Variants in USP44 observed in about 807,000 individuals in gnomAD.
USP44 encodes the protein ubiquitin specific peptidase 44.
A neutral mutation model predicts 69.0 loss-of-function variants in USP44; 61 were observed. That is an observed-to-expected ratio of 0.88 (90% CI 0.72 to 1.09). USP44 has a LOEUF of 1.09. USP44 is among the 50% of genes least tolerant of loss of function. The pLI is 0.00. For synonymous variants in USP44, 297 were observed against 295.4 expected (o/e 1.01, Z -0.06); for missense variants, 753 against 849.9 (o/e 0.89, Z 1.42).
chr12:95,533,556 G>A lies in USP44; in HGVS notation c.701C>T (p.Ala234Val), dbSNP rs772258953. ...TTTTGCTGGTGATGCTGGCGTTTGTGCTGGCACCTGAACAGAAACTATTTC... is the reference window on the plus strand; with the variant it reads ...TTTTGCTGGTGATGCTGGCGTTTGTACTGGCACCTGAACAGAAACTATTTC... The part of the protein sequence containing the change: ...IIEIVSVQVP[A>V]QTPASPAKDK... The change falls in exon 2 of 6, where the codon GCA becomes GTA. Residue 234 changes from alanine (A) to valine (V), a missense_variant. By Grantham distance (64) the Ala-to-Val change is moderately conservative (BLOSUM62 0). Transcript: ENST00000258499. 1 of 1,613,564 alleles carries A rather than the reference G, an allele frequency of 6.2e-7. No individual in the cohort carries two copies. Among genetic ancestry groups the A allele is most frequent in the Non-Finnish European group, 8.5e-7 (1 of 1,179,838 alleles).
chr12:95,528,964 T>C lies in USP44; in HGVS notation c.1467A>G (p.Ile489Met), dbSNP rs2076937303. 6.2e-7 allele frequency: 1 copy of C among 1,613,634 alleles called. No individual in the cohort carries two copies. Among genetic ancestry groups the C allele is most frequent in the South Asian group, 1.1e-5 (1 of 90,980 alleles). ...CCAATGACAAGTCCCAGAAAGGTTC[T>C]ATGGTATTTGATTTGTTGTCACATG... ...CLACDNKSNT[I>M]EPFWDLSLEF... The change falls in exon 3 of 6, where the codon ATA (isoleucine) becomes ATG (methionine). Residue 489 changes from isoleucine (I) to methionine (M), a missense_variant. Transcript: ENST00000258499.
rs2140177781 is a variant in USP44, at chr12:95,516,651, C to T, written c.*1503G>A. ...CATAGGTATTATGAACAATTTTAAA[C>T]ATAGCCATTTAATATTCCAGATGTA... On this transcript the variant is annotated 3_prime_UTR_variant, in exon 6 of 6. Transcript: ENST00000258499. The T allele has an allele frequency of 6.6e-6, 1 of 152,266 alleles. No homozygotes were observed. The highest frequency in any genetic ancestry group is 2.1e-4 in the South Asian group (1 of 4,824). 9.4% of individuals were successfully genotyped at this position (152,266 alleles called of 1,614,324 possible).
chr12:95,518,033 T>C lies in USP44; in HGVS notation c.*121A>G. 9.5e-7 allele frequency: 1 copy of C among 1,048,984 alleles called. No individual in the cohort carries two copies. The highest frequency in any genetic ancestry group is 1.9e-5 in the South Asian group (1 of 52,758). The allele number at this position is 1,048,984 out of a possible 1,614,324, so 65.0% of individuals were successfully genotyped here. The stretch of plus-strand genomic sequence containing the variant: ...CTTTGTAAAAAAAAAAATTGTTAGA[T>C]ATAAAATGTATAAATGTAGTATACA... On this transcript the variant is annotated 3_prime_UTR_variant, in exon 6 of 6. Transcript: ENST00000258499.
chr12:95,520,122 T>C (rs1440331589), intron 5 of USP44, among the ~76,000 whole-genome samples: 1 of 144,624 alleles, frequency 6.9e-6, no homozygotes, highest in Admixed American at 7.0e-5. Flanking sequence ...TGTCCTCACC[T>C]CTCTTTTTCT....
chr12:95,523,881 CT>C lies in USP44; in HGVS notation c.1733+798del, dbSNP rs950874729. 2.4e-3 allele frequency among the ~76,000 whole-genome samples: 351 copies of C among 148,274 alleles called. 1 individual carries two copies. Among genetic ancestry groups the C allele is most frequent in the African/African-American group, 7.6e-3 (307 of 40,420 alleles). On this transcript the variant is annotated intron_variant, in intron 4 of 5. Coordinates refer to ENST00000258499, the MANE Select transcript of USP44 (RefSeq NM_032147.5). ...TCACACCTGTCATCTCAACATTTTT[CT>C]TTTTTTTTTCTTGAGACAGAGTCTC...
rs374528624 is a variant in USP44 at position 95,528,754 on chromosome 12, G to A, written c.1624+53C>T. On this transcript the variant is annotated intron_variant, in intron 3 of 5. Coordinates refer to ENST00000258499, the MANE Select transcript of USP44 (RefSeq NM_032147.5). ...TTTCTTTCAGCTTCCTCTCATCTGC[G>A]TTTCTCTTTATCATTCCTAGGAAAG... is the stretch of plus-strand genomic sequence containing the variant. 8.5e-3 allele frequency: 12,909 copies of A among 1,513,266 alleles called. 74 individuals are homozygous for A. Among genetic ancestry groups the A allele is most frequent in the Non-Finnish European group, 0.01 (11,561 of 1,124,812 alleles). The allele number at this position is 1,513,266 out of a possible 1,614,324, so 93.7% of individuals were successfully genotyped here. A position where few individuals can be genotyped will look rare whatever the true frequency, so the allele number is the denominator to read the frequency against.
rs1243948714 is a variant in USP44, at chr12:95,517,261, A to G, written c.*893T>C. On this transcript the variant is annotated 3_prime_UTR_variant, in exon 6 of 6. Transcript: ENST00000258499. ...TTTGAACACTTATCTTTTCTGCCCT[A>G]TAATTTTTTCTCTTCAAGACTCTAT... The G allele has an allele frequency of 6.6e-6, 1 of 152,114 alleles. No individual in the cohort carries two copies. The highest frequency in any genetic ancestry group is 1.9e-4 in the East Asian group (1 of 5,198). 9.4% of individuals were successfully genotyped at this position (152,114 alleles called of 1,614,324 possible).
intron 1 of USP44, among the ~76,000 whole-genome samples, chr12:95,538,273 T>C (rs1040891438): frequency 6.6e-6 from 1 of 152,176 alleles, no homozygotes; most frequent in African/African-American, 2.4e-5. Flanking sequence ...ACAGTGGTAA[T>C]AATACCAATA....
At chr12:95,551,603 G>C (rs1030977833), upstream of USP44, 1 of 152,458 alleles carries the variant, frequency 6.6e-6, no homozygotes, top group Non-Finnish European at 1.5e-5. Context: ...AACCTCTTTG[G>C]GGGCCGGGAC....
intron 1 of USP44, among the ~76,000 whole-genome samples, chr12:95,544,558 T>C (rs2077511427): frequency 1.3e-5 from 2 of 152,092 alleles, no homozygotes; most frequent in Non-Finnish European, 2.9e-5. Flanking sequence ...AGTAGCTCAA[T>C]TTTCAGATCC....
At chr12:95,551,519 C>G (rs554878664), upstream of USP44, 1 of 152,826 alleles carries the variant, frequency 6.5e-6, no homozygotes. Flanking sequence ...TCCCCATCCC[C>G]CACCCCCAGC....
intron 1 of USP44, among the ~76,000 whole-genome samples, chr12:95,543,948 C>G (rs1592747027): frequency 1.1e-5 from 1 of 87,888 alleles, no homozygotes; most frequent in Middle Eastern, 0.015. Flanking sequence ...GCCAGGGAGA[C>G]AGAGGGAGAC....
Position 95,533,311 on chromosome 12 carries a change from C to G in USP44, c.946G>C (p.Glu316Gln), listed in dbSNP as rs7305024. 9.0e-3 allele frequency: 14,450 copies of G among 1,613,942 alleles called. 1,104 individuals are homozygous for G. In the African/African-American group the frequency reaches 0.16, roughly 18 times the overall value. ...LNQWLAMTASEKTRSCKHPPV... is the reference protein window; with the variant it reads ...LNQWLAMTASQKTRSCKHPPV... ...GGATGCTTACAAGATCTTGTCTTCT[C>G]GCTAGCAGTCATAGCCAGCCATTGG... The change falls in exon 2 of 6, where the codon GAG becomes CAG. Residue 316 changes from glutamate to glutamine, a missense_variant. Glu to Gln is a conservative substitution (Grantham distance 29). Transcript: ENST00000258499.
At chr12:95,535,040 A>G (rs932544936) in intron 1 of USP44, among the ~76,000 whole-genome samples, 1 of 152,314 alleles carries the variant, frequency 6.6e-6, no homozygotes, top group Non-Finnish European at 1.5e-5. Flanking sequence ...ATTTATAAAC[A>G]TTATGAGCCT....
chr12:95,538,212 T>C (rs2077268298), intron 1 of USP44, among the ~76,000 whole-genome samples: 1 of 152,186 alleles, frequency 6.6e-6, no homozygotes, highest in Non-Finnish European at 1.5e-5. Flanking sequence ...GGATTTACTA[T>C]GTGACCATAA....
chr12:95,530,921 T>C (rs55881856), intron 2 of USP44, among the ~76,000 whole-genome samples: 13,556 of 152,156 alleles, frequency 0.089, 857 homozygotes, highest in African/African-American at 0.17. Flanking sequence ...TCCCAGCACT[T>C]TGGGAGGCCG....
chr12:95,520,335 A>G (rs1425278372), intron 5 of USP44, among the ~76,000 whole-genome samples: 2 of 152,010 alleles, frequency 1.3e-5, no homozygotes, highest in Non-Finnish European at 2.9e-5. Context: ...TACTGAAAAT[A>G]CAAAAAATTA....
intron 1 of USP44, among the ~76,000 whole-genome samples, chr12:95,536,153 G>A (rs940358208): frequency 4.8e-5 from 7 of 144,514 alleles, no homozygotes; most frequent in Admixed American, 1.5e-4. Flanking sequence ...AGCGATTCTC[G>A]CACCTCAGCA....
At chr12:95,549,328 C>A (rs6538643) in intron 1 of USP44, among the ~76,000 whole-genome samples, 70,904 of 151,954 alleles carry the variant, frequency 0.47, 20,812 homozygotes, top group African/African-American at 0.81. Context: ...TTTTTCGCAC[C>A]GCAGAAGGGC....
Sources: allele counts gnomAD v4.1 joint callset (sites outside exome capture counted in the v4.1 genomes callset), GRCh38; gene constraint gnomAD v4.1.1; transcripts MANE v1.5; gene names NCBI Gene and HGNC (gene_info 2026-07-23, HGNC 2026-07-21).